The following PEG3 variants were observed in gnomAD, a reference collection of about 807,000 sequenced individuals.
PEG3 encodes the protein paternally-expressed gene 3 protein.
Under a neutral mutation model 35.5 loss-of-function variants are expected in PEG3, and 23 were observed. The ratio of observed to expected loss-of-function variants is 0.65; its 90% CI spans 0.47 to 0.92. The LOEUF (loss-of-function observed/expected upper bound fraction) is 0.92, where lower values mean the gene tolerates loss of function less well. Among genes scored for constraint, PEG3 ranks in the 40% least tolerant of loss-of-function variants. The probability of loss-of-function intolerance (pLI) is 0.00; values close to 1 mark genes in which losing one functional copy is unlikely to be tolerated. For synonymous variants in PEG3, 707 were observed against 697.0 expected (o/e 1.01, Z -0.23); for missense variants, 1,960 against 1,985.3 (o/e 0.99, Z 0.24).
At position 56,821,762 on chromosome 19, in the gene PEG3, G is replaced by T. The variant is rs1268359351; in HGVS notation, c.566-8C>A. The stretch of plus-strand genomic sequence containing the variant: ...GATCCCGCGGAGGCATCCCTGGGAA[G>T]AAAAAAGGCATCAACAAGAAGCAGG... On this transcript the variant is annotated splice_polypyrimidine_tract_variant and splice_region_variant and intron_variant, in intron 6 of 9. Coordinates refer to ENST00000326441, the MANE Select transcript of PEG3 (RefSeq NM_006210.3). 1 of 1,613,426 alleles carries T rather than the reference G, an allele frequency of 6.2e-7. No individual in the cohort carries two copies. Among genetic ancestry groups the T allele is most frequent in the South Asian group, 1.1e-5 (1 of 91,054 alleles).
At position 56,812,391 on chromosome 19, in the gene PEG3, A is replaced by G. The variant is rs1417407909; in HGVS notation, c.*1284T>C. On this transcript the variant is annotated 3_prime_UTR_variant, in exon 10 of 10. Transcript: ENST00000326441. ...TAAGGCTGCTGGGGAACCTGAGTCC[A>G]TGTTAAGCTTGGGTTGACTGTAAAG... The G allele has an allele frequency of 2.0e-6, 2 of 984,916 alleles. No individual in the cohort carries two copies. Among genetic ancestry groups the G allele is most frequent in the African/African-American group, 3.5e-5 (2 of 57,208 alleles). The allele number at this position is 984,916 out of a possible 1,614,324, so 61.0% of individuals were successfully genotyped here.
chr19:56,839,439 C>A (rs1420545061), intron 1 of PEG3, among the ~76,000 whole-genome samples: 6 of 149,156 alleles, frequency 4.0e-5, no homozygotes, highest in East Asian at 2.0e-4. Context: ...CTGAACAGAT[C>A]GTCACATCTA....
At position 56,812,564 on chromosome 19, in the gene PEG3, CTG is replaced by C; in HGVS notation, c.*1109_*1110del. ...TGACTTGTGGCAGCATAAGCTGATG[CTG>C]CACAGGGGACCCAAGCCATGTTGCT... On this transcript the variant is annotated 3_prime_UTR_variant, in exon 10 of 10. Coordinates refer to ENST00000326441, the MANE Select transcript of PEG3 (RefSeq NM_006210.3). The C allele has an allele frequency of 6.1e-6, 6 of 985,714 alleles. No individual in the cohort carries two copies. The highest frequency in any genetic ancestry group is 7.2e-6 in the Non-Finnish European group (6 of 829,880). The allele number at this position is 985,714 out of a possible 1,614,324, so 61.1% of individuals were successfully genotyped here.
rs973525479 is a variant in PEG3, at chr19:56,811,952, C to G, written c.*1723G>C. Reference sequence around the variant, plus strand: ...GACTCACTCATTTCTGCTTCTTGCTCTCAGCTCTACAATCTTCCTAAACTT... The same window carrying G: ...GACTCACTCATTTCTGCTTCTTGCTGTCAGCTCTACAATCTTCCTAAACTT... On this transcript the variant is annotated 3_prime_UTR_variant, in exon 10 of 10. Coordinates refer to ENST00000326441, the MANE Select transcript of PEG3 (RefSeq NM_006210.3). The G allele has an allele frequency of 9.1e-6, 9 of 985,336 alleles. No individual in the cohort carries two copies. Among genetic ancestry groups the G allele is most frequent in the Non-Finnish European group, 1.1e-5 (9 of 829,906 alleles). 61.0% of individuals were successfully genotyped at this position (985,336 alleles called of 1,614,324 possible).
intron 2 of PEG3, among the ~76,000 whole-genome samples, chr19:56,832,921 C>T (rs888551959): frequency 3.9e-5 from 6 of 152,182 alleles, no homozygotes; most frequent in Non-Finnish European, 7.3e-5. Context: ...CACTTTACTT[C>T]TATTCCATTA....
chr19:56,833,016 G>A (rs531137243), intron 2 of PEG3: 82 of 367,612 alleles, frequency 2.2e-4, no homozygotes, highest in African/African-American at 1.6e-3. Flanking sequence ...CTTGCCAGAA[G>A]TCAGGGAAGA....
rs763223692 is a variant in PEG3 at position 56,814,610 on chromosome 19, C to T, written c.3832G>A (p.Glu1278Lys). Reference protein sequence around the residue: ...ALTEFQRSQTEERLFECAVCG... With the variant: ...ALTEFQRSQTKERLFECAVCG... ...ACTGCACATTCAAAGAGTCTCTCTT[C>T]GGTCTGACTTCTCTGAAACTCAGTG... The change falls in exon 10 of 10, where the codon GAA becomes AAA. Residue 1278 changes from glutamate to lysine, a missense_variant. Physicochemically the swap from Glu to Lys is moderately conservative, Grantham distance 56. Around this residue, in one of 5 missense-constraint regions of PEG3, gnomAD observed 416 missense variants for 416.7 expected, o/e 1.00. Transcript: ENST00000326441. This position sits in a 1 kb window ranked among gnomAD's most constrained non-coding sequence, Gnocchi z 5.8. 2.7e-5 allele frequency: 43 copies of T among 1,613,950 alleles called. No homozygotes were observed. Among genetic ancestry groups the T allele is most frequent in the South Asian group, 2.6e-4 (24 of 91,082 alleles).
rs1185103023 is a variant in PEG3 at position 56,817,063 on chromosome 19, G to A, written c.1379C>T (p.Ser460Leu). The change falls in exon 10 of 10, where the codon TCG becomes TTG. Residue 460 changes from serine (S) to leucine (L), a missense_variant. Ser to Leu is a moderately radical substitution (Grantham distance 145, BLOSUM62 -2). Transcript: ENST00000326441. ...AACAAATTCTGAGATGACACTGAACGACCTCCCACACTCATCACATACATA... is the reference window on the plus strand; with the variant it reads ...AACAAATTCTGAGATGACACTGAACAACCTCCCACACTCATCACATACATA... ...MPYVCDECGR[S>L]FSVISEFVEH... 54 of 1,614,040 alleles carry A rather than the reference G, an allele frequency of 3.3e-5. No homozygotes were observed. In the East Asian group the frequency reaches 1.0e-3, roughly 31 times the overall value.
intron 2 of PEG3, among the ~76,000 whole-genome samples, chr19:56,829,993 T>C (rs536270766): frequency 2.0e-5 from 3 of 152,198 alleles, no homozygotes; most frequent in Non-Finnish European, 4.4e-5. Context: ...CCTGATGCTA[T>C]CAAATGAAAT....
At chr19:56,830,075 C>CA (rs1305480380) in intron 2 of PEG3, among the ~76,000 whole-genome samples, 6 of 152,220 alleles carry the variant, frequency 3.9e-5, no homozygotes, top group African/African-American at 1.4e-4. Context: ...GCTTATTAAT[C>CA]AGAGCTGTGC....
chr19:56,817,422 T>A lies in PEG3; in HGVS notation c.1020A>T (p.Arg340Ser). The A allele has an allele frequency of 6.2e-7, 1 of 1,614,140 alleles. No homozygotes were observed. The highest frequency in any genetic ancestry group is 8.5e-7 in the Non-Finnish European group (1 of 1,180,008). ...AGTTATCATCTGACATTCTGGGGAATCTCTGTGACCGGTCGCTTGACTCCC... is the reference window on the plus strand; with the variant it reads ...AGTTATCATCTGACATTCTGGGGAAACTCTGTGACCGGTCGCTTGACTCCC... ...RARESSDRSQ[R>S]FPRMSDDNWK... Residue 340 changes from arginine to serine, a missense_variant, in exon 10 of 10, where the codon AGA becomes AGT. Physicochemically the swap from Arg to Ser is moderately radical, Grantham distance 110 (BLOSUM62 -1). This residue lies in a region of PEG3 where 613 missense variants were observed against 577.1 expected (regional missense o/e 1.06). Transcript: ENST00000326441.
In PEG3 at chr19:56,810,851, C is replaced by T. The variant is rs914495664; in HGVS notation, c.*2824G>A. ...TTTTTAAAATAATTTACTTTATTTT[C>T]TAATTTTTCCTCTGGGTATGTATTA... On this transcript the variant is annotated 3_prime_UTR_variant, in exon 10 of 10. Transcript: ENST00000326441. 3.5e-5 allele frequency: 34 copies of T among 965,558 alleles called. No homozygotes were observed. In the African/African-American group the frequency reaches 6.0e-4, roughly 17 times the overall value. The allele number at this position is 965,558 out of a possible 1,614,324, so 59.8% of individuals were successfully genotyped here. A position where few individuals can be genotyped will look rare whatever the true frequency, so the allele number is the denominator to read the frequency against.
Position 56,815,828 on chromosome 19 carries a change from G to A in PEG3, c.2614C>T (p.Arg872Ter), listed in dbSNP as rs2059928527. ...TTCTCTCTGGCAGGAATCTTCTGTCGCTTATCATTAAGGTCTGAGATATAA... is the reference window on the plus strand; with the variant it reads ...TTCTCTCTGGCAGGAATCTTCTGTCACTTATCATTAAGGTCTGAGATATAA... ...SIYISDLNDK[R>*]QKIPARENPC... is the part of the protein sequence containing the mutation. The change falls in exon 10 of 10, where the codon CGA (arginine) becomes TGA (stop). Residue 872 changes from arginine to a stop codon, truncating the protein, a stop_gained. Coordinates refer to ENST00000326441, the MANE Select transcript of PEG3 (RefSeq NM_006210.3). LOFTEE classifies it low-confidence loss of function (END_TRUNC). 2 of 1,613,086 alleles carry A rather than the reference G, an allele frequency of 1.2e-6. No homozygotes were observed. Among genetic ancestry groups the A allele is most frequent in the Non-Finnish European group, 1.7e-6 (2 of 1,179,286 alleles).
chr19:56,838,187 T>C (rs1471179799), intron 1 of PEG3, among the ~76,000 whole-genome samples: 1 of 152,132 alleles, frequency 6.6e-6, no homozygotes, highest in African/African-American at 2.4e-5. Context: ...CAGCAGTCAT[T>C]CAAACCAGTG....
intron 1 of PEG3, among the ~76,000 whole-genome samples, chr19:56,837,100 G>C (rs1568732220): frequency 6.6e-6 from 1 of 152,086 alleles, no homozygotes; most frequent in Non-Finnish European, 1.5e-5. Flanking sequence ...TGGAGCCAGG[G>C]CTAGGTAAGT....
chr19:56,836,969 C>CAAA lies in PEG3; in HGVS notation c.-249-868_-249-866dup, dbSNP rs573566620. The stretch of plus-strand genomic sequence containing the variant: ...TGGGTGAGAGGGCCAGACTCTGTCT[C>CAAA]AAAAAAAAAAAAAAAAAAAAAAAAA... On this transcript the variant is annotated intron_variant, in intron 1 of 9. Transcript: ENST00000326441. Among the ~76,000 whole-genome samples, 746 of 116,858 alleles carry CAAA rather than the reference C, an allele frequency of 6.4e-3. 25 individuals carry two copies. The highest frequency in any genetic ancestry group is 0.012 in the East Asian group (43 of 3,458). The allele number at this position is 116,858 out of a possible 152,430, so 76.7% of individuals were successfully genotyped here. A position where few individuals can be genotyped will look rare whatever the true frequency, so the allele number is the denominator to read the frequency against.
Position 56,812,925 on chromosome 19 carries a change from T to C in PEG3, c.*750A>G. The C allele has an allele frequency of 1.0e-6, 1 of 985,404 alleles. No individual in the cohort carries two copies. The highest frequency in any genetic ancestry group is 1.2e-6 in the Non-Finnish European group (1 of 829,856). The allele number at this position is 985,404 out of a possible 1,614,324, so 61.0% of individuals were successfully genotyped here. A position where few individuals can be genotyped will look rare whatever the true frequency, so the allele number is the denominator to read the frequency against. ...ATCAATCTGGGTCACAAAAAGCCAA[T>C]CCGTATATTGTAAAGCCTTACACAG... is the stretch of plus-strand genomic sequence containing the variant. On this transcript the variant is annotated 3_prime_UTR_variant, in exon 10 of 10. Transcript: ENST00000326441.
rs2059601540 is a variant in PEG3, at chr19:56,812,435, G to A, written c.*1240C>T. ...TGTAAAGAATTTTTTTTTTTTTAATGCAAGTTAGACATGGAGTTAGAGGGT... is the reference window on the plus strand; with the variant it reads ...TGTAAAGAATTTTTTTTTTTTTAATACAAGTTAGACATGGAGTTAGAGGGT... On this transcript the variant is annotated 3_prime_UTR_variant, in exon 10 of 10. Transcript: ENST00000326441. The A allele has an allele frequency of 2.0e-6, 2 of 979,092 alleles. No homozygotes were observed. The highest frequency in any genetic ancestry group is 1.8e-5 in the African/African-American group (1 of 56,892). The allele number at this position is 979,092 out of a possible 1,614,324, so 60.7% of individuals were successfully genotyped here.
In PEG3 at chr19:56,810,883, C is replaced by T. The variant is rs2059491705; in HGVS notation, c.*2792G>A. 1 of 963,910 alleles carries T rather than the reference C, an allele frequency of 1.0e-6. No homozygotes were observed. Among genetic ancestry groups the T allele is most frequent in the South Asian group, 4.8e-5 (1 of 20,836 alleles). The allele number at this position is 963,910 out of a possible 1,614,324, so 59.7% of individuals were successfully genotyped here. A position where few individuals can be genotyped will look rare whatever the true frequency, so the allele number is the denominator to read the frequency against. On this transcript the variant is annotated 3_prime_UTR_variant, in exon 10 of 10. Transcript: ENST00000326441. ...TTCCTCTGGGTATGTATTATGCACA[C>T]CAATGGAGACACACATAATACACTG...
Sources: allele counts gnomAD v4.1 joint callset (sites outside exome capture counted in the v4.1 genomes callset), GRCh38; gene constraint gnomAD v4.1.1; regional missense constraint gnomAD v4.1.1; non-coding constraint Gnocchi (gnomAD v3.1); transcripts MANE v1.5; gene names NCBI Gene and HGNC (gene_info 2026-07-23, HGNC 2026-07-21).